CFAP161: variants seen among roughly 807,000 people sequenced by gnomAD.
CFAP161 encodes the protein cilia and flagella associated protein 161, also known as cilia- and flagella-associated protein 161.
A neutral mutation model predicts 29.0 loss-of-function variants in CFAP161; 25 were observed. The ratio of observed to expected loss-of-function variants is 0.86; its 90% confidence interval spans 0.63 to 1.20. The LOEUF is 1.20. Among genes scored for constraint, CFAP161 ranks in the 50% most tolerant of loss-of-function variants. The pLI, the probability that CFAP161 is intolerant of heterozygous loss-of-function variation, is 0.00. For synonymous variants in CFAP161, 116 were observed against 137.4 expected, an observed-to-expected ratio of 0.84 and a Z score of 1.09; for missense variants, 367 against 371.9, an observed-to-expected ratio of 0.99 and a Z score of 0.11.
chr15:81,142,458 C>A (rs1019824952), intron 4 of CFAP161, among the ~76,000 whole-genome samples: 3 of 152,132 alleles, frequency 2.0e-5, no homozygotes, highest in African/African-American at 7.2e-5. Context: ...CATCCTCACC[C>A]TCTCTGTGTT....
At chr15:81,135,565 T>C (rs1319541322) in intron 2 of CFAP161, among the ~76,000 whole-genome samples, 1 of 134,038 alleles carries the variant, frequency 7.5e-6, no homozygotes, top group Non-Finnish European at 1.5e-5. Flanking sequence ...CCTTCCTGTG[T>C]CCATGTGTTC....
Position 81,134,303 on chromosome 15 carries a change from G to A in CFAP161, c.-27G>A. The A allele has an allele frequency of 1.3e-6, 2 of 1,571,642 alleles. No individual in the cohort carries two copies. The highest frequency in any genetic ancestry group is 1.7e-6 in the Non-Finnish European group (2 of 1,158,240). On this transcript the variant is annotated 5_prime_UTR_variant, in exon 1 of 7. Coordinates refer to ENST00000286732, the MANE Select transcript of CFAP161 (RefSeq NM_173528.4). Reference sequence around the variant, plus strand: ...ACGCTAACGCATGGTGTCGGAGGGAGGCCCACTTGCTGAACAGCAGGGAGC... The same window carrying A: ...ACGCTAACGCATGGTGTCGGAGGGAAGCCCACTTGCTGAACAGCAGGGAGC...
intron 1 of CFAP161, among the ~76,000 whole-genome samples, chr15:81,101,481 C>T (rs1159769191): frequency 7.8e-6 from 1 of 129,012 alleles, no homozygotes; most frequent in Non-Finnish European, 1.6e-5. Context: ...GAGCTGAGAT[C>T]ACACCACAGC....
chr15:81,103,773 T>C (rs1293826581), intron 1 of CFAP161, among the ~76,000 whole-genome samples: 2 of 152,046 alleles, frequency 1.3e-5, no homozygotes, highest in East Asian at 3.9e-4. Flanking sequence ...GCTCTGGAGG[T>C]CTGAACTTGC....
At chr15:81,107,295 C>T (rs774397572) in intron 1 of CFAP161, among the ~76,000 whole-genome samples, 2 of 152,208 alleles carry the variant, frequency 1.3e-5, no homozygotes, top group Non-Finnish European at 2.9e-5. Flanking sequence ...CATCATATAA[C>T]GTGAGTGAGG....
At chr15:81,104,588 A>G (rs758211166) in intron 1 of CFAP161, among the ~76,000 whole-genome samples, 1 of 152,254 alleles carries the variant, frequency 6.6e-6, no homozygotes, top group African/African-American at 2.4e-5. Context: ...GGAAGGTTCT[A>G]GAAAGATTGC....
At chr15:81,108,396 G>A (rs1894401139) in intron 1 of CFAP161, among the ~76,000 whole-genome samples, 1 of 151,822 alleles carries the variant, frequency 6.6e-6, no homozygotes, top group African/African-American at 2.4e-5. Context: ...AGAATCAGAT[G>A]AGTGTTCCCA....
chr15:81,128,294 T>A (rs1337449865), intron 2 of CFAP161, among the ~76,000 whole-genome samples: 1 of 152,244 alleles, frequency 6.6e-6, no homozygotes, highest in Non-Finnish European at 1.5e-5. Flanking sequence ...ATTTCACCCA[T>A]GGTAGAACTT....
At chr15:81,103,455 T>G (rs1894326122) in intron 1 of CFAP161, among the ~76,000 whole-genome samples, 1 of 151,986 alleles carries the variant, frequency 6.6e-6, no homozygotes, top group Non-Finnish European at 1.5e-5. Context: ...TTGGGGACCT[T>G]ATGAACCTTC....
intron 1 of CFAP161, 93 bp downstream of exon 1, chr15:81,134,491 CCT>C: frequency 1.6e-6 from 2 of 1,245,038 alleles, no homozygotes; most frequent in Non-Finnish European, 1.1e-6. Context: ...CCTCAAGCCT[CCT>C]CTCTCTCCCA....
intron 1 of CFAP161, among the ~76,000 whole-genome samples, chr15:81,102,756 C>T (rs1204604986): frequency 6.6e-6 from 1 of 152,162 alleles, no homozygotes; most frequent in Non-Finnish European, 1.5e-5. Flanking sequence ...CAGGCAAACC[C>T]AAAGAGACAC....
upstream of CFAP161, among the ~76,000 whole-genome samples, chr15:81,129,788 GTCTTTTTT>G (rs770947096): frequency 0.14 from 13,386 of 97,470 alleles, 2,951 homozygotes; most frequent in Middle Eastern, 0.21. Flanking sequence ...TCTAATGTAA[GTCTTTTTT>G]GCCTACATTG....
chr15:81,142,157 G>A (rs1216408295), intron 4 of CFAP161, among the ~76,000 whole-genome samples: 2 of 151,890 alleles, frequency 1.3e-5, no homozygotes, highest in African/African-American at 4.8e-5. Context: ...ACTTTGGCCT[G>A]TTTCTCTTGC....
upstream of CFAP161, among the ~76,000 whole-genome samples, chr15:81,133,236 T>TA (rs1567156520): frequency 3.8e-5 from 5 of 132,682 alleles, no homozygotes; most frequent in Admixed American, 1.6e-4. Context: ...TATTTTTTTT[T>TA]AAATTGGAGA....
chr15:81,121,699 CCATAA>C (rs1298284141), intron 1 of CFAP161, among the ~76,000 whole-genome samples: 3 of 152,040 alleles, frequency 2.0e-5, no homozygotes, highest in African/African-American at 7.2e-5. Flanking sequence ...ATATGTTTCC[CCATAA>C]CATATTTTTT....
chr15:81,122,500 T>C (rs1417498661), intron 1 of CFAP161, among the ~76,000 whole-genome samples: 2 of 151,702 alleles, frequency 1.3e-5, no homozygotes, highest in African/African-American at 2.4e-5. Context: ...TCTTTCTTTT[T>C]TTTTTTTTTA....
intron 4 of CFAP161, among the ~76,000 whole-genome samples, chr15:81,139,616 C>T (rs1480425677): frequency 6.6e-6 from 1 of 151,904 alleles, no homozygotes; most frequent in Non-Finnish European, 1.5e-5. Context: ...CATAATTTAC[C>T]TAGTCTTTCT....
chr15:81,138,210 G>A (rs1253684192), intron 4 of CFAP161, 75 bp downstream of exon 4: 14 of 1,197,984 alleles, frequency 1.2e-5, no homozygotes, highest in Non-Finnish European at 1.6e-5. Context: ...ACTATCTACT[G>A]AAGTGGACAG....
intron 1 of CFAP161, among the ~76,000 whole-genome samples, chr15:81,106,700 G>C (rs148590066): frequency 6.6e-6 from 1 of 152,166 alleles, no homozygotes; most frequent in African/African-American, 2.4e-5. Context: ...AATTAAACAC[G>C]CTCTTTCAAA....
Sources: gnomAD v4.1 joint callset for allele counts (sites outside exome capture counted in the v4.1 genomes callset) on GRCh38, gnomAD v4.1.1 for gene constraint, MANE v1.5 for transcripts, NCBI Gene and HGNC (gene_info 2026-07-23, HGNC 2026-07-21) for gene names.